NET1: variants seen among roughly 807,000 people sequenced by gnomAD.
The protein encoded by NET1 is neuroepithelial cell transforming 1, also known as neuroepithelial cell-transforming gene 1 protein.
Under a neutral mutation model 61.1 loss-of-function variants are expected in NET1, and 42 were observed. The ratio of observed to expected loss-of-function variants is 0.69; its 90% confidence interval spans 0.54 to 0.89. The LOEUF (loss-of-function observed/expected upper bound fraction) is 0.89, where lower values mean the gene tolerates loss of function less well. Among genes scored for constraint, NET1 ranks in the 40% least tolerant of loss-of-function variants. The probability of loss-of-function intolerance (pLI) is 0.00; values close to 1 mark genes in which losing one functional copy is unlikely to be tolerated. For synonymous variants in NET1, 254 were observed against 281.8 expected (o/e 0.90, Z 0.99); for missense variants, 654 against 747.3 (o/e 0.88, Z 1.46).
At position 5,447,083 on chromosome 10, in the gene NET1, AAG is replaced by A. The variant is rs1179093423; in HGVS notation, c.256-4746_256-4745del. On this transcript the variant is annotated intron_variant, in intron 3 of 11. Coordinates refer to ENST00000355029, the MANE Select transcript of NET1 (RefSeq NM_001047160.3). The surrounding 1 kb of genome is among the most constrained non-coding windows in gnomAD (Gnocchi z 4.1). ...TTGAGTGTACACAGCTTTTATAAAA[AAG>A]GAAAAGATTTTAAATGTATATGTTA... 1.3e-5 allele frequency among the ~76,000 whole-genome samples: 2 copies of A among 152,238 alleles called. No individual in the cohort carries two copies. Among genetic ancestry groups the A allele is most frequent in the African/African-American group, 4.8e-5 (2 of 41,456 alleles).
rs766382399 is a variant in NET1, at chr10:5,456,632, C to T, written c.1429C>T (p.Gln477Ter). 3 of 1,583,910 alleles carry T rather than the reference C, an allele frequency of 1.9e-6. No individual in the cohort carries two copies. Among genetic ancestry groups the T allele is most frequent in the Admixed American group, 1.9e-5 (1 of 53,862 alleles). The change falls in exon 12 of 12, where the codon CAG (glutamine) becomes TAG (stop). Residue 477 changes from glutamine to a stop codon, truncating the protein, a stop_gained. Transcript: ENST00000355029. LOFTEE classifies it low-confidence loss of function (END_TRUNC). The surrounding 1 kb of genome is among the most constrained non-coding windows in gnomAD (Gnocchi z 7.0). ...RIRFHDPSPA[Q>*]SHTLQANDVF... ...TCGCTTCCATGACCCCTCTCCAGCC[C>T]AGTCTCACACTCTGCAAGCCAATGA...
rs1832108588 is a variant in NET1 at position 5,417,919 on chromosome 10, T to A, written c.128+5099T>A. Among the ~76,000 whole-genome samples, 1 of 152,180 alleles carries A rather than the reference T, an allele frequency of 6.6e-6. No homozygotes were observed. The highest frequency in any genetic ancestry group is 1.5e-5 in the Non-Finnish European group (1 of 68,036). On this transcript the variant is annotated intron_variant, in intron 1 of 11. Coordinates refer to ENST00000355029, the MANE Select transcript of NET1 (RefSeq NM_001047160.3). The surrounding 1 kb of genome is among the most constrained non-coding windows in gnomAD (Gnocchi z 5.5). The stretch of plus-strand genomic sequence containing the variant: ...TTTTTTCTTTTGTCTATTGAAATGA[T>A]CATGTGGTTGTTGTTATTACTGATG...
chr10:5,416,584 G>T lies in NET1; in HGVS notation c.128+3764G>T, dbSNP rs1172890228. ...CTTTAATTATTTTCAACAGTGTTTT[G>T]TAGTTTTCAGAGTATAGTTCTGCAT... On this transcript the variant is annotated intron_variant, in intron 1 of 11. Coordinates refer to ENST00000355029, the MANE Select transcript of NET1 (RefSeq NM_001047160.3). This position sits in a 1 kb window ranked among gnomAD's most constrained non-coding sequence, Gnocchi z 6.1. Among the ~76,000 whole-genome samples the T allele has an allele frequency of 1.3e-5, 2 of 152,144 alleles. No homozygotes were observed. The highest frequency in any genetic ancestry group is 2.9e-5 in the Non-Finnish European group (2 of 68,022).
rs915967076 is a variant in NET1 at position 5,412,945 on chromosome 10, G to C, written c.128+125G>C. ...GGAGGGCTGGCCGGGAGTTGGATGTGGGGGGCGGCGAGTGGGGGTGTTGGT... is the reference window on the plus strand; with the variant it reads ...GGAGGGCTGGCCGGGAGTTGGATGTCGGGGGCGGCGAGTGGGGGTGTTGGT... On this transcript the variant is annotated intron_variant, in intron 1 of 11. Transcript: ENST00000355029. This position sits in a 1 kb window ranked among gnomAD's most constrained non-coding sequence, Gnocchi z 6.5. The C allele has an allele frequency of 3.9e-5, 35 of 900,704 alleles. 1 individual carries two copies. Among genetic ancestry groups the C allele is most frequent in the Admixed American group, 4.9e-5 (1 of 20,556 alleles). The allele number at this position is 900,704 out of a possible 1,614,324, so 55.8% of individuals were successfully genotyped here. A position where few individuals can be genotyped will look rare whatever the true frequency, so the allele number is the denominator to read the frequency against.
At position 5,453,554 on chromosome 10, in the gene NET1, G is replaced by A; in HGVS notation, c.762G>A (p.Val254=). Residue 254 remains valine, a synonymous_variant, in exon 8 of 12, where the codon GTG becomes GTA. Transcript: ENST00000355029. The surrounding 1 kb of genome is among the most constrained non-coding windows in gnomAD (Gnocchi z 4.9). ...TGGAGCAGATTGGTCACATTCTCGT[G>A]AGCTGGGTATGTAGTGAGTTGTTGA... ...GTVEQIGHIL[V]SWLPRLNAYR... is the part of the protein sequence containing the mutation. 3 of 1,614,006 alleles carry A rather than the reference G, an allele frequency of 1.9e-6. No individual in the cohort carries two copies. The highest frequency in any genetic ancestry group is 2.5e-6 in the Non-Finnish European group (3 of 1,179,916).
intron 1 of NET1, among the ~76,000 whole-genome samples, chr10:5,419,736 T>TTGTTG (rs1236946857): frequency 3.3e-5 from 3 of 90,742 alleles, no homozygotes; most frequent in Non-Finnish European, 7.9e-5. Context: ...TGTTGTTGTT[T>TTGTTG]TTATGGGAAT....
At chr10:5,414,416 A>C (rs1294404006) in intron 1 of NET1, among the ~76,000 whole-genome samples, 3 of 152,238 alleles carry the variant, frequency 2.0e-5, no homozygotes, top group Non-Finnish European at 4.4e-5. Context: ...TTCATATTTT[A>C]TGAAAACTAT....
At chr10:5,433,588 TATGAAACCCATGGCTC>T (rs1481178821) in intron 3 of NET1, among the ~76,000 whole-genome samples, 2 of 152,238 alleles carry the variant, frequency 1.3e-5, no homozygotes, top group Admixed American at 6.5e-5. Context: ...TTTGGACGGA[TATGAAACCCATGGCTC>T]ACCTTTTCTT....
intron 3 of NET1, among the ~76,000 whole-genome samples, chr10:5,438,885 G>A (rs1832480088): frequency 6.6e-6 from 1 of 152,186 alleles, no homozygotes; most frequent in African/African-American, 2.4e-5. Context: ...CCTGCTGCTG[G>A]AGCACACTGA....
chr10:5,419,880 CAG>C (rs148947478), intron 1 of NET1, among the ~76,000 whole-genome samples: 39,163 of 151,988 alleles, frequency 0.26, 5,181 homozygotes, highest in Non-Finnish European at 0.27. Flanking sequence ...GTTAAGAAGT[CAG>C]AATCTTTTTG....
chr10:5,455,316 C>T lies in NET1; in HGVS notation c.1197+198C>T, dbSNP rs1832778022. On this transcript the variant is annotated intron_variant, in intron 10 of 11. Transcript: ENST00000355029. This position sits in a 1 kb window ranked among gnomAD's most constrained non-coding sequence, Gnocchi z 6.5. ...ATGTCTCAGTGGAGAATCAGTAATA[C>T]TTTATTTTTTAGTTTCGAAGCATAA... 1.3e-5 allele frequency among the ~76,000 whole-genome samples: 2 copies of T among 152,166 alleles called. No individual in the cohort carries two copies. Among genetic ancestry groups the T allele is most frequent in the South Asian group, 4.1e-4 (2 of 4,832 alleles).
chr10:5,443,716 T>C lies in NET1; in HGVS notation c.256-8114T>C, dbSNP rs1832560189. On this transcript the variant is annotated intron_variant, in intron 3 of 11. Coordinates refer to ENST00000355029, the MANE Select transcript of NET1 (RefSeq NM_001047160.3). This position sits in a 1 kb window ranked among gnomAD's most constrained non-coding sequence, Gnocchi z 4.8. ...TTTGTGAACATGGCTGTCATCAGTA[T>C]ACCCTATTTGTTTTCTATTTCTGTA... 6.6e-6 allele frequency among the ~76,000 whole-genome samples: 1 copy of C among 152,210 alleles called. No individual in the cohort carries two copies. The highest frequency in any genetic ancestry group is 2.1e-4 in the South Asian group (1 of 4,828).
chr10:5,436,979 TA>T (rs1323186936), intron 3 of NET1, among the ~76,000 whole-genome samples: 7 of 152,186 alleles, frequency 4.6e-5, no homozygotes, highest in Non-Finnish European at 1.0e-4. Flanking sequence ...TGGCCAAAAA[TA>T]AAAGTTAAAT....
In NET1 at chr10:5,447,881, A is replaced by G. The variant is rs1227477017; in HGVS notation, c.256-3949A>G. ...GTCACTAGTGTGAATCCTGCAGCTT[A>G]TCATCTGTTGGGCCCATAGAAGCTG... On this transcript the variant is annotated intron_variant, in intron 3 of 11. Coordinates refer to ENST00000355029, the MANE Select transcript of NET1 (RefSeq NM_001047160.3). This position sits in a 1 kb window ranked among gnomAD's most constrained non-coding sequence, Gnocchi z 4.1. 6.6e-6 allele frequency among the ~76,000 whole-genome samples: 1 copy of G among 152,218 alleles called. No individual in the cohort carries two copies. Among genetic ancestry groups the G allele is most frequent in the African/African-American group, 2.4e-5 (1 of 41,444 alleles).
chr10:5,429,772 T>A (rs964024622), intron 3 of NET1, among the ~76,000 whole-genome samples: 1 of 152,244 alleles, frequency 6.6e-6, no homozygotes, highest in Non-Finnish European at 1.5e-5. Context: ...AGTTTTCTTA[T>A]ATGAAATTGT....
rs1832673907 is a variant in NET1, at chr10:5,449,682, C to T, written c.256-2148C>T. Among the ~76,000 whole-genome samples, 1 of 152,168 alleles carries T rather than the reference C, an allele frequency of 6.6e-6. No individual in the cohort carries two copies. Among genetic ancestry groups the T allele is most frequent in the African/African-American group, 2.4e-5 (1 of 41,430 alleles). ...AGTTACCAGGAAGTTAGTAGTTGTA[C>T]AGTAACTGGTCCTATAAAGATAATA... On this transcript the variant is annotated intron_variant, in intron 3 of 11. Coordinates refer to ENST00000355029, the MANE Select transcript of NET1 (RefSeq NM_001047160.3). This position sits in a 1 kb window ranked among gnomAD's most constrained non-coding sequence, Gnocchi z 4.4.
rs1832722159 is a variant in NET1 at position 5,452,498 on chromosome 10, C to T, written c.504C>T (p.Leu168=). The T allele has an allele frequency of 6.2e-7, 1 of 1,613,956 alleles. No homozygotes were observed. Residue 168 remains leucine (L), a synonymous_variant, in exon 5 of 12, where the codon CTC becomes CTT. Coordinates refer to ENST00000355029, the MANE Select transcript of NET1 (RefSeq NM_001047160.3). This position sits in a 1 kb window ranked among gnomAD's most constrained non-coding sequence, Gnocchi z 4.0. ...EMLDITMKES[L]TTREIRRQEA... is the part of the protein sequence containing the mutation. ...TGGACATCACCATGAAGGAGTCTCT[C>T]ACCACCAGGGAGATCAGACGGCAGG...
Position 5,457,174 on chromosome 10 carries a change from A to G in NET1, c.*180A>G. The G allele has an allele frequency of 2.3e-6, 1 of 437,458 alleles. No homozygotes were observed. The highest frequency in any genetic ancestry group is 3.8e-6 in the Non-Finnish European group (1 of 259,924). The allele number at this position is 437,458 out of a possible 1,614,324, so 27.1% of individuals were successfully genotyped here. ...CTAAAGATATACAGATTACTGTTAA[A>G]TTGCAGTCCTTTTTTTTTTAAAGAT... On this transcript the variant is annotated 3_prime_UTR_variant, in exon 12 of 12. Coordinates refer to ENST00000355029, the MANE Select transcript of NET1 (RefSeq NM_001047160.3). This position sits in a 1 kb window ranked among gnomAD's most constrained non-coding sequence, Gnocchi z 5.4.
rs578254739 is a variant in NET1 at position 5,441,159 on chromosome 10, G to A, written c.256-10671G>A. On this transcript the variant is annotated intron_variant, in intron 3 of 11. Transcript: ENST00000355029. This position sits in a 1 kb window ranked among gnomAD's most constrained non-coding sequence, Gnocchi z 4.6. Reference sequence around the variant, plus strand: ...CACACCACAGACTTCTCCTCTCAACGGACTGAAGAGGGGAGCTTTTATCCT... The same window carrying A: ...CACACCACAGACTTCTCCTCTCAACAGACTGAAGAGGGGAGCTTTTATCCT... 2.0e-5 allele frequency among the ~76,000 whole-genome samples: 3 copies of A among 152,328 alleles called. No individual in the cohort carries two copies. The highest frequency in any genetic ancestry group is 4.4e-5 in the Non-Finnish European group (3 of 68,028).
Sources: allele counts gnomAD v4.1 joint callset (sites outside exome capture counted in the v4.1 genomes callset), GRCh38; gene constraint gnomAD v4.1.1; non-coding constraint Gnocchi (gnomAD v3.1); transcripts MANE v1.5; gene names NCBI Gene and HGNC (gene_info 2026-07-23, HGNC 2026-07-21).